ZNF529: variants seen among roughly 807,000 people sequenced by gnomAD.
ZNF529 encodes the protein zinc finger protein 529.
A neutral mutation model predicts 10.1 loss-of-function variants in ZNF529; 11 were observed. That is an observed-to-expected ratio of 1.09 (90% CI 0.69 to 1.81). The LOEUF is 1.81. ZNF529 is among the 40% of genes most tolerant of loss of function. The pLI, the probability that ZNF529 is intolerant of heterozygous loss-of-function variation, is 0.00. For synonymous variants in ZNF529, 204 were observed against 215.7 expected (o/e 0.95, Z 0.47); for missense variants, 624 against 666.8 (o/e 0.94, Z 0.71).
At position 36,546,674 on chromosome 19, in the gene ZNF529, C is replaced by A; in HGVS notation, c.*192G>T. The A allele has an allele frequency of 2.0e-6, 1 of 498,732 alleles. No individual in the cohort carries two copies. Among genetic ancestry groups the A allele is most frequent in the Non-Finnish European group, 3.3e-6 (1 of 305,240 alleles). The allele number at this position is 498,732 out of a possible 1,614,324, so 30.9% of individuals were successfully genotyped here. A position where few individuals can be genotyped will look rare whatever the true frequency, so the allele number is the denominator to read the frequency against. ...TAACATAAAAAGGAGAAATATTTGG[C>A]AACATCTAACAAAGCTATAAGTATA... On this transcript the variant is annotated 3_prime_UTR_variant, in exon 5 of 5. Coordinates refer to ENST00000591340, the MANE Select transcript of ZNF529 (RefSeq NM_020951.5).
intron 1 of ZNF529, among the ~76,000 whole-genome samples, chr19:36,572,811 G>T (rs879149294): frequency 6.6e-6 from 1 of 151,858 alleles, no homozygotes; most frequent in South Asian, 2.1e-4. Flanking sequence ...GTGTGTGTGT[G>T]TATAAGACCT....
upstream of ZNF529, chr19:36,573,545 C>T (rs568792582): frequency 2.2e-4 from 100 of 462,250 alleles, no homozygotes; most frequent in South Asian, 1.5e-3. Context: ...AGGCAGTAAT[C>T]GGGAACCCAG....
intron 2 of ZNF529, among the ~76,000 whole-genome samples, chr19:36,571,263 T>A (rs570859317): frequency 5.3e-5 from 8 of 152,190 alleles, no homozygotes; most frequent in African/African-American, 1.9e-4. Flanking sequence ...TATAAAGATA[T>A]GAGTGTAAAG....
chr19:36,553,226 A>C (rs570208869), intron 4 of ZNF529, among the ~76,000 whole-genome samples: 1 of 152,184 alleles, frequency 6.6e-6, no homozygotes, highest in East Asian at 1.9e-4. Context: ...CCCGAGTTCA[A>C]GCGGGTTCCA....
chr19:36,557,066 A>G (rs1159570236), intron 2 of ZNF529, among the ~76,000 whole-genome samples: 1 of 152,206 alleles, frequency 6.6e-6, no homozygotes, highest in Non-Finnish European at 1.5e-5. Flanking sequence ...AAAAAGCCCC[A>G]GTTTGATTAC....
chr19:36,596,611 A>G (rs972885485), intron 1 of ZNF529, among the ~76,000 whole-genome samples: 1 of 151,704 alleles, frequency 6.6e-6, no homozygotes, highest in Non-Finnish European at 1.5e-5. Flanking sequence ...TCTGCCTCCC[A>G]GTTCAAGCAA....
Position 36,548,323 on chromosome 19 carries a change from C to G in ZNF529, c.236-1G>C. On this transcript the variant is annotated splice_acceptor_variant, in intron 4 of 4. Coordinates refer to ENST00000591340, the MANE Select transcript of ZNF529 (RefSeq NM_020951.5). LOFTEE classifies it high-confidence loss of function. ...TTAGTCTCATTCCTGGACTCCAAATCTGAAAGAAAGGAAAAAATAATTTTC... is the reference window on the plus strand; with the variant it reads ...TTAGTCTCATTCCTGGACTCCAAATGTGAAAGAAAGGAAAAAATAATTTTC... 6.6e-7 allele frequency: 1 copy of G among 1,519,082 alleles called. No homozygotes were observed. The highest frequency in any genetic ancestry group is 1.3e-5 in the South Asian group (1 of 78,972). The allele number at this position is 1,519,082 out of a possible 1,614,324, so 94.1% of individuals were successfully genotyped here.
Position 36,546,926 on chromosome 19 carries a change from A to T in ZNF529, c.1632T>A (p.Ser544Arg). 1 of 1,613,762 alleles carries T rather than the reference A, an allele frequency of 6.2e-7. No individual in the cohort carries two copies. The highest frequency in any genetic ancestry group is 8.5e-7 in the Non-Finnish European group (1 of 1,179,754). ...GTTGGCAAGTAAGATGCCCAACAAC[A>T]CTAAAGGAATTCCCACACTCCTTAC... ...YECKECGNSFSVVGHLTCQPK... is the reference protein window; with the variant it reads ...YECKECGNSFRVVGHLTCQPK... Residue 544 changes from serine to arginine, a missense_variant, in exon 5 of 5, where the codon AGT becomes AGA. By Grantham distance (110) the Ser-to-Arg change is moderately radical. Coordinates refer to ENST00000591340, the MANE Select transcript of ZNF529 (RefSeq NM_020951.5).
rs1272619923 is a variant in ZNF529, at chr19:36,573,284, A to G, written c.-191T>C. The G allele has an allele frequency of 1.2e-5, 4 of 328,742 alleles. No individual in the cohort carries two copies. The highest frequency in any genetic ancestry group is 2.2e-5 in the South Asian group (1 of 46,002). The allele number at this position is 328,742 out of a possible 1,614,324, so 20.4% of individuals were successfully genotyped here. On this transcript the variant is annotated 5_prime_UTR_variant, in exon 1 of 5. Coordinates refer to ENST00000591340, the MANE Select transcript of ZNF529 (RefSeq NM_020951.5). ...CACCTCGACTCGCCAGGCTTAACTC[A>G]ATAACCACAACACCGGAAAAGGAAG...
chr19:36,580,820 TA>T (rs141389679), intron 2 of ZNF529: 2 of 152,006 alleles, frequency 1.3e-5, no homozygotes, highest in Admixed American at 1.3e-4. Context: ...ACAATGACAG[TA>T]AAAAAATACA....
rs1600235925 is a variant in ZNF529, at chr19:36,546,859, A to G, written c.*7T>C. ...TCAGAAATAAAAAACCACTTTATAC[A>G]TTTATTTCAGTCAAATGATTTCTCA... On this transcript the variant is annotated 3_prime_UTR_variant, in exon 5 of 5. Transcript: ENST00000591340. The G allele has an allele frequency of 6.2e-7, 1 of 1,600,488 alleles. No individual in the cohort carries two copies. Among genetic ancestry groups the G allele is most frequent in the East Asian group, 2.2e-5 (1 of 44,776 alleles).
At chr19:36,550,314 G>A (rs1030593517) in intron 4 of ZNF529, among the ~76,000 whole-genome samples, 3 of 152,198 alleles carry the variant, frequency 2.0e-5, no homozygotes, top group Admixed American at 6.5e-5. Context: ...AGGCCAAGGT[G>A]TGCGGATCAC....
At chr19:36,576,786 G>A (rs957887802), upstream of ZNF529, among the ~76,000 whole-genome samples, 2 of 151,616 alleles carry the variant, frequency 1.3e-5, no homozygotes, top group Admixed American at 1.3e-4. Context: ...CCTATAAACA[G>A]AAACATATTC....
chr19:36,583,519 C>T (rs1165827389), intron 2 of ZNF529, among the ~76,000 whole-genome samples: 1 of 140,802 alleles, frequency 7.1e-6, no homozygotes, highest in African/African-American at 2.7e-5. Flanking sequence ...AAAAACAAAG[C>T]ATACCTCTGC....
rs10405879 is a variant in ZNF529 at position 36,602,760 on chromosome 19, G to A, written c.-128+2366C>T. On this transcript the variant is annotated intron_variant, in intron 1 of 4. Coordinates refer to the ZNF529 transcript ENST00000585960. ...AGCCTGATCAACATGGAGAAACCCC[G>A]TCTCTACTAAAAATACAAAACTAGC... 3.0e-3 allele frequency among the ~76,000 whole-genome samples: 452 copies of A among 152,072 alleles called. 3 individuals are homozygous for A. The highest frequency in any genetic ancestry group is 0.01 in the African/African-American group (424 of 41,510).
rs954408151 is a variant in ZNF529, at chr19:36,562,217, G to GA, written c.15-6021dup. 6.6e-4 allele frequency among the ~76,000 whole-genome samples: 97 copies of GA among 147,714 alleles called. 2 individuals are homozygous for GA. In the East Asian group the frequency reaches 0.012, roughly 19 times the overall value. ...CGCACCATTGCACTGCAGCCCAGGG[G>GA]AAAAAAAAAAAGAAATGTCTGCCTT... On this transcript the variant is annotated intron_variant, in intron 2 of 4. Coordinates refer to ENST00000591340, the MANE Select transcript of ZNF529 (RefSeq NM_020951.5).
At chr19:36,550,891 C>T (rs1203222974) in intron 4 of ZNF529, among the ~76,000 whole-genome samples, 1 of 151,948 alleles carries the variant, frequency 6.6e-6, no homozygotes, top group African/African-American at 2.4e-5. Flanking sequence ...TTAAAACCAA[C>T]CCAAAAAGCA....
At chr19:36,576,718 AAAT>A (rs141522986), upstream of ZNF529, among the ~76,000 whole-genome samples, 48 of 149,854 alleles carry the variant, frequency 3.2e-4, no homozygotes, top group Admixed American at 1.0e-3. Context: ...CTCCGTCTCA[AAAT>A]AATAATAATA....
At chr19:36,584,161 A>G (rs573533184) in intron 2 of ZNF529, among the ~76,000 whole-genome samples, 1 of 152,306 alleles carries the variant, frequency 6.6e-6, no homozygotes, top group South Asian at 2.1e-4. Context: ...ACCTAAAAGG[A>G]AAGATGATTG....
Sources: allele counts gnomAD v4.1 joint callset (sites outside exome capture counted in the v4.1 genomes callset), GRCh38; gene constraint gnomAD v4.1.1; transcripts MANE v1.5; gene names NCBI Gene and HGNC (gene_info 2026-07-23, HGNC 2026-07-21).